RASA3: variants seen among roughly 807,000 people sequenced by gnomAD.
RASA3 encodes the protein ras GTPase-activating protein 3.
In RASA3, 73 loss-of-function variants were observed where a neutral mutation model predicts 110.0. That is an observed-to-expected ratio of 0.66 (90% confidence interval 0.55 to 0.81). The LOEUF is 0.81. RASA3 is among the 30% of genes least tolerant of loss of function. The pLI is 0.00. For synonymous variants in RASA3, 500 were observed against 451.4 expected, an observed-to-expected ratio of 1.11 and a Z score of -1.37; for missense variants, 976 against 1,113.2, an observed-to-expected ratio of 0.88 and a Z score of 1.75.
intron 4 of RASA3, among the ~76,000 whole-genome samples, chr13:114,030,991 G>C (rs1209466241): frequency 6.6e-6 from 1 of 152,102 alleles, no homozygotes; most frequent in Non-Finnish European, 1.5e-5. Context: ...GTGTCCGCCT[G>C]TGTGTGCGGC....
intron 1 of RASA3, among the ~76,000 whole-genome samples, chr13:114,107,411 C>A (rs867840820): frequency 3.3e-5 from 5 of 152,232 alleles, no homozygotes; most frequent in Non-Finnish European, 2.9e-5. Flanking sequence ...GATTTTCCCA[C>A]GCTGGAGGTC....
intron 1 of RASA3, among the ~76,000 whole-genome samples, chr13:114,117,640 T>C (rs1388177163): frequency 4.3e-4 from 43 of 100,642 alleles, no homozygotes; most frequent in Middle Eastern, 9.4e-3. Context: ...GAGGGGTGCA[T>C]GTGTGTGAGG....
At chr13:113,995,463 C>G (rs1031053286) in intron 21 of RASA3, among the ~76,000 whole-genome samples, 1 of 152,366 alleles carries the variant, frequency 6.6e-6, no homozygotes, top group East Asian at 1.9e-4. Context: ...GGCCCTTATG[C>G]GAAAGCATCA....
chr13:114,015,219 C>T lies in RASA3; in HGVS notation c.1395G>A (p.Lys465=), dbSNP rs759431003. The T allele has an allele frequency of 4.3e-6, 7 of 1,613,062 alleles. No individual in the cohort carries two copies. The Admixed American group carries it at 5.0e-5, about 12-fold the overall frequency. ...GTTCAGGGCACTCACCCTGGAAGCGCTTGGCCGCCGCCTCCCGGAGGGAGA... is the reference window on the plus strand; with the variant it reads ...GTTCAGGGCACTCACCCTGGAAGCGTTTGGCCGCCGCCTCCCGGAGGGAGA... ...IFFSLREAAA[K]RFQDDPDVRY... Residue 465 remains lysine, a synonymous_variant, in exon 14 of 24, where the codon AAG becomes AAA. Coordinates refer to ENST00000334062, the MANE Select transcript of RASA3 (RefSeq NM_007368.4).
At chr13:114,078,004 A>AC in intron 1 of RASA3, 2 of 985,014 alleles carry the variant, frequency 2.0e-6, no homozygotes, top group Non-Finnish European at 2.4e-6. Context: ...AAAAAAAAAA[A>AC]AAAACTCCTG....
At position 114,115,616 on chromosome 13, in the gene RASA3, G is replaced by A. The variant is rs893867032; in HGVS notation, c.55+16819C>T. ...CCTCTGCAGGCCTCGTGTCCCCCTC[G>A]CTGTCGCCTGCCGATTTGGTGGCTC... On this transcript the variant is annotated intron_variant, in intron 1 of 23. Coordinates refer to ENST00000334062, the MANE Select transcript of RASA3 (RefSeq NM_007368.4). The surrounding 1 kb of genome is among the most constrained non-coding windows in gnomAD (Gnocchi z 5.0). Among the ~76,000 whole-genome samples the A allele has an allele frequency of 2.0e-5, 3 of 152,138 alleles. No individual in the cohort carries two copies. Among genetic ancestry groups the A allele is most frequent in the South Asian group, 2.1e-4 (1 of 4,832 alleles).
At chr13:114,117,086 GA>G (rs2080291838) in intron 1 of RASA3, among the ~76,000 whole-genome samples, 1 of 133,950 alleles carries the variant, frequency 7.5e-6, no homozygotes. Flanking sequence ...GCACGTGTGT[GA>G]GGGATGCATG....
intron 4 of RASA3, among the ~76,000 whole-genome samples, chr13:114,031,454 T>C (rs1011824608): frequency 6.6e-6 from 1 of 150,430 alleles, no homozygotes; most frequent in African/African-American, 2.5e-5. Flanking sequence ...TCTACCTGTC[T>C]GTAGTGTGTG....
chr13:114,052,091 T>C lies in RASA3; in HGVS notation c.238A>G (p.Ile80Val). The change falls in exon 3 of 24, where the codon ATT becomes GTT. Residue 80 changes from isoleucine to valine, a missense_variant. By Grantham distance (29) the Ile-to-Val change is conservative. This residue lies in a region of RASA3 where 732 missense variants were observed against 779.7 expected (regional missense o/e 0.94). Coordinates refer to ENST00000334062, the MANE Select transcript of RASA3 (RefSeq NM_007368.4). ...CTCCGGAAAACGTCTCTATCGAAAA[T>C]GTAGAAGGACAGGTGACGAAAGCTC... ...PRSFRHLSFY[I>V]FDRDVFRRDS... The C allele has an allele frequency of 1.9e-6, 3 of 1,613,294 alleles. No homozygotes were observed. Among genetic ancestry groups the C allele is most frequent in the Non-Finnish European group, 2.5e-6 (3 of 1,179,566 alleles).
chr13:114,055,491 C>T (rs1419870770), intron 2 of RASA3, among the ~76,000 whole-genome samples: 3 of 152,230 alleles, frequency 2.0e-5, no homozygotes, highest in Non-Finnish European at 4.4e-5. Flanking sequence ...CTATCAACCT[C>T]GAAGCCAAAA....
At chr13:114,117,747 G>GTGAGGGGTGCACGTGTT (rs2080311099) in intron 1 of RASA3, among the ~76,000 whole-genome samples, 1 of 135,724 alleles carries the variant, frequency 7.4e-6, no homozygotes, top group Non-Finnish European at 1.6e-5. Flanking sequence ...GAGCACGTGT[G>GTGAGGGGTGCACGTGTT]TGAGGGATGC....
Position 114,011,117 on chromosome 13 carries a change from G to C in RASA3, c.1590+54C>G, listed in dbSNP as rs1235513646. 6.8e-7 allele frequency: 1 copy of C among 1,465,112 alleles called. No individual in the cohort carries two copies. Among genetic ancestry groups the C allele is most frequent in the Non-Finnish European group, 9.5e-7 (1 of 1,052,694 alleles). The allele number at this position is 1,465,112 out of a possible 1,614,324, so 90.8% of individuals were successfully genotyped here. ...AGGTTTTTCACGTGTATTTTCTGAA[G>C]AGAGAAAAGAATCAGTTGTCCCTAA... On this transcript the variant is annotated intron_variant, in intron 16 of 23. Coordinates refer to ENST00000334062, the MANE Select transcript of RASA3 (RefSeq NM_007368.4). The surrounding 1 kb of genome is among the most constrained non-coding windows in gnomAD (Gnocchi z 4.8).
At chr13:114,132,367 G>A (rs1566595988) in intron 1 of RASA3, 68 bp downstream of exon 1, 1 of 1,404,526 alleles carries the variant, frequency 7.1e-7, no homozygotes, top group Non-Finnish European at 9.3e-7. Flanking sequence ...CTGCGGAGGG[G>A]AGGCGGGCGC....
At chr13:114,103,473 C>T (rs1248599058) in intron 1 of RASA3, among the ~76,000 whole-genome samples, 3 of 152,036 alleles carry the variant, frequency 2.0e-5, no homozygotes, top group Non-Finnish European at 2.9e-5. Flanking sequence ...ACCAAGCCGC[C>T]GAGGAGCACC....
At chr13:114,023,690 C>T (rs964542810) in intron 8 of RASA3, among the ~76,000 whole-genome samples, 8 of 152,198 alleles carry the variant, frequency 5.3e-5, no homozygotes, top group African/African-American at 1.4e-4. Flanking sequence ...AACCCACAAG[C>T]GATTTCCCCG....
At chr13:114,013,961 TCTC>T (rs2053727680) in intron 14 of RASA3, among the ~76,000 whole-genome samples, 5 of 150,890 alleles carry the variant, frequency 3.3e-5, no homozygotes, top group Non-Finnish European at 7.4e-5. Context: ...TGTCTCTCTC[TCTC>T]TCTCTCCGTC....
chr13:114,020,182 GCCCCCGC>G (rs1424538688), intron 9 of RASA3, among the ~76,000 whole-genome samples: 22,907 of 72,146 alleles, frequency 0.32, 8,136 homozygotes, highest in African/African-American at 0.51. Flanking sequence ...CGAGGCATTA[GCCCCCGC>G]CAGGTGGGTG....
At chr13:114,075,434 G>T (rs952270806) in intron 1 of RASA3, among the ~76,000 whole-genome samples, 2 of 152,212 alleles carry the variant, frequency 1.3e-5, no homozygotes, top group East Asian at 1.9e-4. Context: ...AAGCCCCAGG[G>T]TCTGGACAAC....
chr13:113,999,515 A>G, intron 20 of RASA3, 70 bp downstream of exon 20: 1 of 1,255,138 alleles, frequency 8.0e-7, no homozygotes, highest in Non-Finnish European at 1.2e-6. Context: ...AGGGCCAGGT[A>G]CGGGAAGAGA....
Sources: gnomAD v4.1 joint callset for allele counts (sites outside exome capture counted in the v4.1 genomes callset) on GRCh38, gnomAD v4.1.1 for gene constraint, gnomAD v4.1.1 regional missense constraint, Gnocchi (gnomAD v3.1) non-coding constraint, MANE v1.5 for transcripts, NCBI Gene and HGNC (gene_info 2026-07-23, HGNC 2026-07-21) for gene names.